SGCZ: variants seen among roughly 807,000 people sequenced by gnomAD.
SGCZ encodes the protein sarcoglycan zeta.
A neutral mutation model predicts 41.3 loss-of-function variants in SGCZ; 40 were observed. That is an observed-to-expected ratio of 0.97 (90% confidence interval 0.75 to 1.26). The LOEUF (loss-of-function observed/expected upper bound fraction) is 1.26. SGCZ is among the 50% of genes most tolerant of loss of function. The pLI is 0.00. For missense variants in SGCZ, 552 were observed against 369.8 expected (o/e 1.49, Z -4.04); for synonymous variants, 206 against 137.5 (o/e 1.50, Z -3.49).
intron 1 of SGCZ, among the ~76,000 whole-genome samples, chr8:14,580,970 G>C (rs937382550): frequency 6.6e-6 from 1 of 152,202 alleles, no homozygotes; most frequent in Non-Finnish European, 1.5e-5. Context: ...GGCAATTTCA[G>C]TAGTAAATGC....
intron 1 of SGCZ, among the ~76,000 whole-genome samples, chr8:14,976,994 T>G (rs1801499591): frequency 1.3e-5 from 2 of 152,236 alleles, no homozygotes; most frequent in Non-Finnish European, 2.9e-5. Flanking sequence ...AGAGATACAT[T>G]TCAAACATGC....
chr8:14,446,210 A>G (rs1460868086), intron 2 of SGCZ, among the ~76,000 whole-genome samples: 1 of 152,168 alleles, frequency 6.6e-6, no homozygotes, highest in Non-Finnish European at 1.5e-5. Flanking sequence ...AGCCTGCTGT[A>G]TCCCTAAGAC....
chr8:14,634,052 T>A (rs1466202975), intron 1 of SGCZ, among the ~76,000 whole-genome samples: 10 of 151,864 alleles, frequency 6.6e-5, no homozygotes, highest in Non-Finnish European at 1.5e-5. Flanking sequence ...AGAATTTAAG[T>A]CAAGATAATA....
At chr8:14,111,394 A>G (rs1802367495) in intron 5 of SGCZ, among the ~76,000 whole-genome samples, 1 of 152,138 alleles carries the variant, frequency 6.6e-6, no homozygotes, top group Non-Finnish European at 1.5e-5. Flanking sequence ...CACTTAGAGA[A>G]AAGACAGACT....
At chr8:14,882,167 T>G (rs1411673893) in intron 1 of SGCZ, among the ~76,000 whole-genome samples, 2 of 152,188 alleles carry the variant, frequency 1.3e-5, no homozygotes, top group Non-Finnish European at 2.9e-5. Context: ...ATGTGAGGTC[T>G]TAGCAAAGTA....
chr8:14,916,973 G>C (rs2130785352), intron 1 of SGCZ, among the ~76,000 whole-genome samples: 1 of 152,194 alleles, frequency 6.6e-6, no homozygotes. Context: ...CATCCTTAAA[G>C]CATAATATGA....
At chr8:15,215,352 C>A (rs1003619046) in intron 1 of SGCZ, among the ~76,000 whole-genome samples, 1 of 152,102 alleles carries the variant, frequency 6.6e-6, no homozygotes, top group African/African-American at 2.4e-5. Context: ...AAGAAAAAAC[C>A]TTTCAGAAAA....
At chr8:14,756,652 T>C (rs1438543239) in intron 1 of SGCZ, among the ~76,000 whole-genome samples, 1 of 152,214 alleles carries the variant, frequency 6.6e-6, no homozygotes, top group Non-Finnish European at 1.5e-5. Context: ...TGTTTTTTTG[T>C]TGGAGGCTAC....
At chr8:14,801,828 T>C (rs1025363345) in intron 1 of SGCZ, among the ~76,000 whole-genome samples, 1 of 131,478 alleles carries the variant, frequency 7.6e-6, no homozygotes, top group Non-Finnish European at 1.8e-5. Context: ...GCTTTAAAAA[T>C]ATACAAGAGG....
chr8:14,273,937 A>G (rs1800142762), intron 3 of SGCZ, among the ~76,000 whole-genome samples: 1 of 152,194 alleles, frequency 6.6e-6, no homozygotes, highest in Admixed American at 6.5e-5. Context: ...AACTATTTTT[A>G]GCAAACATAC....
At chr8:15,186,608 A>C (rs1489021756) in intron 1 of SGCZ, among the ~76,000 whole-genome samples, 1 of 152,212 alleles carries the variant, frequency 6.6e-6, no homozygotes, top group Non-Finnish European at 1.5e-5. Flanking sequence ...TTATCTTCAA[A>C]AGATGGCATT....
chr8:14,503,707 G>A (rs1802222989), intron 2 of SGCZ, among the ~76,000 whole-genome samples: 4 of 152,044 alleles, frequency 2.6e-5, no homozygotes, highest in Admixed American at 2.6e-4. Context: ...GGTGGAGGTT[G>A]CAGTGAGCCG....
chr8:14,510,040 A>G (rs564460033), intron 2 of SGCZ, among the ~76,000 whole-genome samples: 1 of 152,202 alleles, frequency 6.6e-6, no homozygotes, highest in South Asian at 2.1e-4. Context: ...ACAGTGCCAA[A>G]CCATATGATT....
intron 2 of SGCZ, among the ~76,000 whole-genome samples, chr8:14,423,606 G>A (rs1799695421): frequency 6.6e-6 from 1 of 152,120 alleles, no homozygotes; most frequent in African/African-American, 2.4e-5. Flanking sequence ...AGTAGAGACA[G>A]GGTTTCTCCG....
intron 5 of SGCZ, chr8:14,161,449 G>C (rs1485000566): frequency 6.6e-6 from 1 of 152,136 alleles, no homozygotes; most frequent in African/African-American, 2.4e-5. Context: ...TCTTCTAAGA[G>C]ACACAGAAAT....
chr8:14,338,265 G>A (rs1563265822), intron 2 of SGCZ, among the ~76,000 whole-genome samples: 1 of 152,116 alleles, frequency 6.6e-6, no homozygotes, highest in Non-Finnish European at 1.5e-5. Context: ...TGGGCCTTCT[G>A]GTCTCATTTC....
At chr8:14,904,050 G>A (rs934159357) in intron 1 of SGCZ, among the ~76,000 whole-genome samples, 6 of 151,986 alleles carry the variant, frequency 3.9e-5, no homozygotes. Flanking sequence ...AGGAAATAAG[G>A]TATTAACTTG....
At chr8:14,979,690 T>C (rs2130877850) in intron 1 of SGCZ, among the ~76,000 whole-genome samples, 1 of 152,310 alleles carries the variant, frequency 6.6e-6, no homozygotes, top group African/African-American at 2.4e-5. Context: ...CTGTGCCTTT[T>C]AAATCAACCA....
At chr8:14,408,980 C>CGT (rs35834026) in intron 2 of SGCZ, among the ~76,000 whole-genome samples, 10 of 148,410 alleles carry the variant, frequency 6.7e-5, no homozygotes, top group East Asian at 2.0e-4. Flanking sequence ...TGCATGTGTG[C>CGT]GTGTGTGTGT....
Sources: gnomAD v4.1 joint callset for allele counts (sites outside exome capture counted in the v4.1 genomes callset) on GRCh38, gnomAD v4.1.1 for gene constraint, MANE v1.5 for transcripts, NCBI Gene and HGNC (gene_info 2026-07-23, HGNC 2026-07-21) for gene names.